Variants in MYO5B observed in about 807,000 individuals in gnomAD.
MYO5B encodes unconventional myosin-Vb.
Under a neutral mutation model 229.3 loss-of-function variants are expected in MYO5B, and 143 were observed. The observed-to-expected ratio is 0.62, with a 90% CI of 0.54 to 0.72. The LOEUF (loss-of-function observed/expected upper bound fraction) is 0.72. Ranked by LOEUF, MYO5B falls within the 30% of genes least tolerant of loss-of-function variation. The pLI is 0.00. For missense variants in MYO5B, 2,321 were observed against 2,331.0 expected (o/e 1.00, Z 0.09); for synonymous variants, 918 against 885.2 (o/e 1.04, Z -0.66).
At chr18:49,957,666 A>G (rs1454509274) in intron 12 of MYO5B, among the ~76,000 whole-genome samples, 1 of 134,238 alleles carries the variant, frequency 7.4e-6, no homozygotes, top group African/African-American at 3.0e-5. Context: ...ACAAAACAAA[A>G]CAAAACAAAA....
At chr18:49,935,836 A>G (rs971611711) in intron 16 of MYO5B, among the ~76,000 whole-genome samples, 1 of 152,230 alleles carries the variant, frequency 6.6e-6, no homozygotes, top group Non-Finnish European at 1.5e-5. Context: ...GAATGTGAGA[A>G]ACAGGACCAT....
At chr18:49,877,911 A>G in intron 24 of MYO5B, 29 bp from the exon 25 acceptor site, 1 of 1,613,060 alleles carries the variant, frequency 6.2e-7, no homozygotes, top group Non-Finnish European at 8.5e-7. Flanking sequence ...GTGATAGCTC[A>G]TTAGGAACTA....
chr18:49,953,308 G>GA lies in MYO5B; in HGVS notation c.1703_1704insT (p.Arg569GlnfsTer6). On this transcript the variant is annotated frameshift_variant, in exon 14 of 40. Transcript: ENST00000285039. LOFTEE classifies it high-confidence loss of function. ...TCTGCTCTTCATACACCGTGTCTCT[G>GA]TTTTTCTCCAGAAAACCATCAGAGA... The GA allele has an allele frequency of 6.2e-7, 1 of 1,614,136 alleles. No homozygotes were observed. The highest frequency in any genetic ancestry group is 8.5e-7 in the Non-Finnish European group (1 of 1,180,020).
At chr18:50,047,266 A>G (rs1336553708) in intron 2 of MYO5B, among the ~76,000 whole-genome samples, 1 of 152,230 alleles carries the variant, frequency 6.6e-6, no homozygotes, top group East Asian at 1.9e-4. Flanking sequence ...AACCCCATCA[A>G]AAAGTGGGTG....
chr18:50,161,574 C>A (rs73959893), intron 1 of MYO5B, among the ~76,000 whole-genome samples: 2,459 of 152,208 alleles, frequency 0.016, 53 homozygotes, highest in African/African-American at 0.055. Flanking sequence ...ATTCTCTCTT[C>A]CCCTGAAATA....
Position 49,912,219 on chromosome 18 carries a change from G to A in MYO5B, c.2091-46C>T, listed in dbSNP as rs777595233. The A allele has an allele frequency of 1.6e-5, 23 of 1,480,144 alleles. No homozygotes were observed. In the African/African-American group the frequency reaches 2.5e-4, roughly 16 times the overall value. The allele number at this position is 1,480,144 out of a possible 1,614,324, so 91.7% of individuals were successfully genotyped here. Reference sequence around the variant, plus strand: ...CATCAGGTGACACATCCTGCCTCTTGGCCACACAAAAGCCAGGCGTGACCT... The same window carrying A: ...CATCAGGTGACACATCCTGCCTCTTAGCCACACAAAAGCCAGGCGTGACCT... On this transcript the variant is annotated intron_variant, in intron 17 of 39. Coordinates refer to ENST00000285039, the MANE Select transcript of MYO5B (RefSeq NM_001080467.3).
chr18:50,117,310 T>C (rs1426283309), intron 1 of MYO5B, among the ~76,000 whole-genome samples: 1 of 151,884 alleles, frequency 6.6e-6, no homozygotes, highest in African/African-American at 2.4e-5. Context: ...AATTCCAAAC[T>C]CTATGGGTTT....
chr18:50,075,392 T>C (rs1053929192), intron 1 of MYO5B, among the ~76,000 whole-genome samples: 5 of 152,208 alleles, frequency 3.3e-5, no homozygotes, highest in Non-Finnish European at 4.4e-5. Context: ...ATGAATTCCA[T>C]GGTGAAATTA....
At chr18:49,930,168 T>C (rs2025173947) in intron 16 of MYO5B, among the ~76,000 whole-genome samples, 1 of 152,186 alleles carries the variant, frequency 6.6e-6, no homozygotes, top group Non-Finnish European at 1.5e-5. Context: ...GCAGTACCTA[T>C]TTTATCAGGT....
At chr18:49,843,520 A>G (rs1386660815) in intron 33 of MYO5B, 128 bp from the exon 34 acceptor site, 4 of 1,242,532 alleles carry the variant, frequency 3.2e-6, no homozygotes, top group Non-Finnish European at 3.4e-6. Flanking sequence ...AGATGTCTCA[A>G]AGAGGATTGG....
At chr18:49,890,404 G>A (rs767940388) in intron 22 of MYO5B, among the ~76,000 whole-genome samples, 1 of 152,152 alleles carries the variant, frequency 6.6e-6, no homozygotes, top group Non-Finnish European at 1.5e-5. Context: ...CTTAACTCTT[G>A]CAGGCAACAT....
intron 1 of MYO5B, among the ~76,000 whole-genome samples, chr18:50,148,469 T>C (rs1206811285): frequency 5.3e-5 from 8 of 151,964 alleles, no homozygotes; most frequent in East Asian, 1.9e-4. Context: ...AGCAGTACAT[T>C]AAAAAGCTTA....
chr18:49,841,483 C>CT, intron 34 of MYO5B, 29 bp from the exon 35 acceptor site: 1 of 1,589,098 alleles, frequency 6.3e-7, no homozygotes, highest in South Asian at 1.1e-5. Context: ...ATCCTCAGCT[C>CT]TAAGTGGCTC....
At chr18:50,061,028 T>A (rs545816926) in intron 1 of MYO5B, among the ~76,000 whole-genome samples, 1 of 149,232 alleles carries the variant, frequency 6.7e-6, no homozygotes, top group South Asian at 2.1e-4. Flanking sequence ...AACATTAAAC[T>A]CCAGCCTGCA....
At chr18:49,910,961 C>T (rs566296740) in intron 18 of MYO5B, among the ~76,000 whole-genome samples, 2 of 152,346 alleles carry the variant, frequency 1.3e-5, no homozygotes, top group African/African-American at 4.8e-5. Flanking sequence ...GGATTTGCCC[C>T]TCACAAAAGG....
At position 50,050,321 on chromosome 18, in the gene MYO5B, A is replaced by G. The variant is rs530013699; in HGVS notation, c.138+4947T>C. ...TGTGCACAGCAGGCATTTAAGTTGC[A>G]CTGAGTACACAAGGGCTCTGCATTC... is the stretch of plus-strand genomic sequence containing the variant. On this transcript the variant is annotated intron_variant, in intron 2 of 39. Coordinates refer to ENST00000285039, the MANE Select transcript of MYO5B (RefSeq NM_001080467.3). Among the ~76,000 whole-genome samples, 3 of 152,290 alleles carry G rather than the reference A, an allele frequency of 2.0e-5. No individual in the cohort carries two copies. In the South Asian group the frequency reaches 6.2e-4, roughly 32 times the overall value.
intron 1 of MYO5B, among the ~76,000 whole-genome samples, chr18:50,166,975 A>G (rs1023006639): frequency 2.6e-5 from 4 of 152,258 alleles, no homozygotes; most frequent in African/African-American, 7.2e-5. Flanking sequence ...AATGGTTTCA[A>G]TCTTTTAGGT....
intron 2 of MYO5B, among the ~76,000 whole-genome samples, chr18:50,045,847 G>C (rs1264884865): frequency 6.6e-6 from 1 of 152,198 alleles, no homozygotes; most frequent in East Asian, 1.9e-4. Flanking sequence ...AGCCCTGTGG[G>C]CCTATGATCC....
At chr18:50,067,175 A>G (rs1162415161) in intron 1 of MYO5B, among the ~76,000 whole-genome samples, 2 of 152,222 alleles carry the variant, frequency 1.3e-5, no homozygotes, top group Non-Finnish European at 2.9e-5. Flanking sequence ...CTTAATGAGA[A>G]AAAGTAAAAT....
Sources: gnomAD v4.1 joint callset for allele counts (sites outside exome capture counted in the v4.1 genomes callset) on GRCh38, gnomAD v4.1.1 for gene constraint, MANE v1.5 for transcripts, NCBI Gene and HGNC (gene_info 2026-07-23, HGNC 2026-07-21) for gene names.